The following CNTN5 variants were observed in gnomAD, a reference collection of about 807,000 sequenced individuals.
CNTN5 encodes the protein contactin-5.
In CNTN5, 77 loss-of-function variants were observed where a neutral mutation model predicts 129.1. The ratio of observed to expected loss-of-function variants is 0.60; its 90% confidence interval spans 0.50 to 0.72. The LOEUF is 0.72. Ranked by LOEUF, CNTN5 falls within the 30% of genes least tolerant of loss-of-function variation. The probability of loss-of-function intolerance (pLI) is 0.00; values close to 1 mark genes in which losing one functional copy is unlikely to be tolerated. For missense variants in CNTN5, 1,478 were observed against 1,328.8 expected (o/e 1.11, Z -1.75); for synonymous variants, 509 against 465.6 (o/e 1.09, Z -1.20).
At chr11:100,236,093 G>C (rs931557983) in intron 16 of CNTN5, among the ~76,000 whole-genome samples, 5 of 152,182 alleles carry the variant, frequency 3.3e-5, no homozygotes, top group Non-Finnish European at 7.3e-5. Flanking sequence ...CATATAACCT[G>C]TAGGTAATTA....
At chr11:99,486,203 G>A (rs1262484308) in intron 2 of CNTN5, among the ~76,000 whole-genome samples, 1 of 151,966 alleles carries the variant, frequency 6.6e-6, no homozygotes, top group East Asian at 1.9e-4. Context: ...GATATGTCTA[G>A]ACCAAGTTGA....
chr11:99,429,286 G>A (rs994839992), intron 2 of CNTN5, among the ~76,000 whole-genome samples: 1 of 152,030 alleles, frequency 6.6e-6, no homozygotes, highest in Non-Finnish European at 1.5e-5. Context: ...ATTTTTGATA[G>A]TGAGACATTA....
rs182192139 is a variant in CNTN5 at position 100,106,861 on chromosome 11, C to G, written c.1580+32567C>G. 3.0e-3 allele frequency among the ~76,000 whole-genome samples: 458 copies of G among 152,082 alleles called. 3 individuals are homozygous for G. Among genetic ancestry groups the G allele is most frequent in the African/African-American group, 0.011 (444 of 41,494 alleles). ...ATATAAAATGTTGTTTCCAATGAGA[C>G]AAAAGTAAAATATCCTACTGTTTTT... On this transcript the variant is annotated intron_variant, in intron 13 of 24. Coordinates refer to ENST00000524871, the MANE Select transcript of CNTN5 (RefSeq NM_014361.4).
intron 12 of CNTN5, among the ~76,000 whole-genome samples, chr11:100,072,196 GCTCCCATAGCAATGCTTAATA>G (rs760181896): frequency 6.6e-5 from 10 of 152,164 alleles, no homozygotes; most frequent in Non-Finnish European, 1.2e-4. Flanking sequence ...GCCTGTCCAT[GCTCCCATAGCAATGCTTAATA>G]ATTTCCCAGG....
intron 13 of CNTN5, among the ~76,000 whole-genome samples, chr11:100,182,220 G>T (rs10894576): frequency 4.6e-5 from 7 of 151,738 alleles, no homozygotes; most frequent in Non-Finnish European, 1.0e-4. Context: ...TTTAGTTTGG[G>T]CAGCTGTAAC....
intron 18 of CNTN5, among the ~76,000 whole-genome samples, chr11:100,271,825 C>G (rs1482952306): frequency 6.6e-6 from 1 of 152,168 alleles, no homozygotes; most frequent in African/African-American, 2.4e-5. Context: ...TAAAAGGTTT[C>G]TAATGACTGA....
chr11:99,026,913 T>C lies in CNTN5; in HGVS notation c.-210+5643T>C, dbSNP rs12269823. On this transcript the variant is annotated intron_variant, in intron 1 of 24. Coordinates refer to ENST00000524871, the MANE Select transcript of CNTN5 (RefSeq NM_014361.4). ...ATATAAATATATGTAATTTCCTTGT[T>C]GCCACTGATTATACATAAAACATTG... 6.9e-3 allele frequency among the ~76,000 whole-genome samples: 1,041 copies of C among 151,664 alleles called. 14 individuals carry two copies. Among genetic ancestry groups the C allele is most frequent in the African/African-American group, 0.023 (969 of 41,526 alleles).
At chr11:100,216,523 GACTA>G (rs1372105740) in intron 15 of CNTN5, among the ~76,000 whole-genome samples, 2 of 151,848 alleles carry the variant, frequency 1.3e-5, no homozygotes, top group Admixed American at 1.3e-4. Flanking sequence ...AATTACACAT[GACTA>G]ACTGAGGACA....
At chr11:100,061,875 C>T in intron 10 of CNTN5, among the ~76,000 whole-genome samples, 1 of 152,188 alleles carries the variant, frequency 6.6e-6, no homozygotes, top group East Asian at 1.9e-4. Flanking sequence ...CAGAGACCAG[C>T]TGACTTGCAA....
At chr11:99,586,749 A>G (rs1234427890) in intron 3 of CNTN5, among the ~76,000 whole-genome samples, 2 of 152,210 alleles carry the variant, frequency 1.3e-5, no homozygotes, top group African/African-American at 2.4e-5. Context: ...TGTGGCTTAT[A>G]GTGATGATTA....
At chr11:99,780,758 T>C (rs1945284238) in intron 3 of CNTN5, among the ~76,000 whole-genome samples, 1 of 152,198 alleles carries the variant, frequency 6.6e-6, no homozygotes, top group East Asian at 1.9e-4. Flanking sequence ...AATTGTGTGG[T>C]TTTTTGTTTG....
chr11:99,139,611 A>G (rs1416268845), intron 1 of CNTN5, among the ~76,000 whole-genome samples: 2 of 151,802 alleles, frequency 1.3e-5, no homozygotes, highest in Non-Finnish European at 2.9e-5. Context: ...CCAATTATAA[A>G]ACATCTTTTC....
At chr11:99,062,909 A>G (rs1001386348) in intron 1 of CNTN5, among the ~76,000 whole-genome samples, 19 of 152,282 alleles carry the variant, frequency 1.2e-4, no homozygotes, top group African/African-American at 4.1e-4. Flanking sequence ...GAAGTTGACA[A>G]GAAGTAGTAG....
rs368915864 is a variant in CNTN5, at chr11:99,853,127, A to G, written c.577+7865A>G. 3.9e-5 allele frequency among the ~76,000 whole-genome samples: 6 copies of G among 152,118 alleles called. No homozygotes were observed. In the East Asian group the frequency reaches 9.7e-4, roughly 25 times the overall value. ...TAAGATCATTTCATTCCACAGTAAA[A>G]TATTTCACTGAGGGACAAGTCAGAA... On this transcript the variant is annotated intron_variant, in intron 6 of 24. Coordinates refer to ENST00000524871, the MANE Select transcript of CNTN5 (RefSeq NM_014361.4).
intron 2 of CNTN5, among the ~76,000 whole-genome samples, chr11:99,369,532 G>A (rs1310710919): frequency 6.6e-6 from 1 of 151,512 alleles, no homozygotes; most frequent in African/African-American, 2.4e-5. Flanking sequence ...ATAATTGTAA[G>A]ATACTCTCAA....
chr11:100,023,493 C>A (rs1168584525), intron 9 of CNTN5, among the ~76,000 whole-genome samples: 1 of 152,156 alleles, frequency 6.6e-6, no homozygotes, highest in African/African-American at 2.4e-5. Flanking sequence ...ACTGAGACAC[C>A]TACAGTGACA....
At chr11:100,032,037 G>A (rs1941740134) in intron 9 of CNTN5, among the ~76,000 whole-genome samples, 1 of 152,156 alleles carries the variant, frequency 6.6e-6, no homozygotes, top group Non-Finnish European at 1.5e-5. Context: ...CTGTTGCATT[G>A]TGGGCTGCTG....
intron 1 of CNTN5, among the ~76,000 whole-genome samples, chr11:99,244,638 G>C (rs79199346): frequency 0.016 from 2,383 of 152,226 alleles, 83 homozygotes; most frequent in East Asian, 0.073. Flanking sequence ...TGTACCTTCT[G>C]AAATCCCCTG....
At chr11:100,219,461 A>G (rs1470545339) in intron 15 of CNTN5, among the ~76,000 whole-genome samples, 4 of 152,178 alleles carry the variant, frequency 2.6e-5, no homozygotes, top group Non-Finnish European at 5.9e-5. Flanking sequence ...TTTACCTTGG[A>G]AGCACTAGAT....
Sources: gnomAD v4.1 joint callset for allele counts (sites outside exome capture counted in the v4.1 genomes callset) on GRCh38, gnomAD v4.1.1 for gene constraint, MANE v1.5 for transcripts, NCBI Gene and HGNC (gene_info 2026-07-23, HGNC 2026-07-21) for gene names.